NWD1: variants seen among roughly 807,000 people sequenced by gnomAD.
The protein encoded by NWD1 is NACHT and WD repeat domain containing 1, also known as NACHT domain- and WD repeat-containing protein 1.
In NWD1, 129 loss-of-function variants were observed where a neutral mutation model predicts 135.1. The observed-to-expected ratio is 0.96, with a 90% CI of 0.83 to 1.11. The LOEUF (loss-of-function observed/expected upper bound fraction) is 1.11, where lower values mean the gene tolerates loss of function less well. Ranked by LOEUF, NWD1 falls within the 50% of genes least tolerant of loss-of-function variation. The pLI is 0.00. For synonymous variants in NWD1, 773 were observed against 786.0 expected (o/e 0.98, Z 0.28); for missense variants, 1,740 against 1,851.3 (o/e 0.94, Z 1.10).
intron 4 of NWD1, among the ~76,000 whole-genome samples, chr19:16,742,437 C>T (rs893171698): frequency 5.3e-5 from 8 of 151,696 alleles, no homozygotes; most frequent in African/African-American, 1.7e-4. Context: ...CAGAATGTGG[C>T]GCTTTCATAC....
In NWD1 at chr19:16,760,969, C is replaced by T. The variant is rs144278148; in HGVS notation, c.1974-1010C>T. The stretch of plus-strand genomic sequence containing the variant: ...CCCTCACCTCTGTCTAGTTCCAGAA[C>T]GTTTTCATCTCCCCAAAAGGAGACC... On this transcript the variant is annotated intron_variant, in intron 7 of 18. Coordinates refer to ENST00000524140, the MANE Select transcript of NWD1 (RefSeq NM_001007525.5). Among the ~76,000 whole-genome samples, 6 of 152,230 alleles carry T rather than the reference C, an allele frequency of 3.9e-5. No individual in the cohort carries two copies. In the East Asian group the frequency reaches 9.7e-4, roughly 24 times the overall value.
At chr19:16,723,859 C>T (rs1967229080) in intron 1 of NWD1, among the ~76,000 whole-genome samples, 1 of 152,062 alleles carries the variant, frequency 6.6e-6, no homozygotes, top group Non-Finnish European at 1.5e-5. Flanking sequence ...TCATGCCCGG[C>T]TAATTTTTGT....
At chr19:16,746,691 AAC>A (rs1491339459) in intron 5 of NWD1, among the ~76,000 whole-genome samples, 66 of 107,384 alleles carry the variant, frequency 6.1e-4, no homozygotes, top group African/African-American at 2.8e-3. Context: ...AACAAAAAAC[AAC>A]AAAAAAAAAC....
At chr19:16,739,355 A>AAAG (rs1491391537) in intron 4 of NWD1, among the ~76,000 whole-genome samples, 1 of 130,488 alleles carries the variant, frequency 7.7e-6, no homozygotes, top group African/African-American at 2.9e-5. Flanking sequence ...AAAAAAAAAA[A>AAAG]TTATTTTTTT....
At chr19:16,720,976 G>A (rs1200579766) in intron 1 of NWD1, among the ~76,000 whole-genome samples, 6 of 152,026 alleles carry the variant, frequency 3.9e-5, no homozygotes, top group Non-Finnish European at 7.4e-5. Flanking sequence ...TCAGGCTTCC[G>A]AGTAGCTGGG....
Position 16,749,846 on chromosome 19 carries a change from C to A in NWD1, c.1204C>A (p.Pro402Thr), listed in dbSNP as rs778421704. Residue 402 changes from proline (P) to threonine (T), a missense_variant, in exon 6 of 19, where the codon CCC (proline) becomes ACC (threonine). Pro to Thr is a conservative substitution (Grantham distance 38). Transcript: ENST00000524140. Reference protein sequence around the residue: ...QVCLAYGLPLPPAQVLDAHTR... With the variant: ...QVCLAYGLPLTPAQVLDAHTR... ...GTGCCTGGCCTATGGGCTGCCCTTG[C>A]CCCCTGCCCAGGTTCTGGACGCCCA... The A allele has an allele frequency of 3.1e-6, 5 of 1,611,772 alleles. No homozygotes were observed. Among genetic ancestry groups the A allele is most frequent in the Admixed American group, 3.3e-5 (2 of 59,878 alleles).
At position 16,759,329 on chromosome 19, in the gene NWD1, G is replaced by A. The variant is rs764495804; in HGVS notation, c.1874G>A (p.Arg625His). The A allele has an allele frequency of 1.1e-5, 17 of 1,613,846 alleles. No individual in the cohort carries two copies. The highest frequency in any genetic ancestry group is 1.4e-5 in the Non-Finnish European group (17 of 1,179,952). The change falls in exon 7 of 19, where the codon CGC becomes CAC. Residue 625 changes from arginine to histidine, a missense_variant. By Grantham distance (29) the Arg-to-His change is conservative. Transcript: ENST00000524140. ...DWTPPSKELL[R>H]FPPLLWVRLR... Reference sequence around the variant, plus strand: ...ACCCCGCCCAGCAAGGAGCTGCTGCGCTTCCCGCCCCTGCTGTGGGTGCGG... The same window carrying A: ...ACCCCGCCCAGCAAGGAGCTGCTGCACTTCCCGCCCCTGCTGTGGGTGCGG...
rs1178206908 is a variant in NWD1 at position 16,749,458 on chromosome 19, G to A, written c.816G>A (p.Arg272=). 6 of 1,612,896 alleles carry A rather than the reference G, an allele frequency of 3.7e-6. No individual in the cohort carries two copies. The highest frequency in any genetic ancestry group is 3.3e-5 in the Admixed American group (2 of 59,964). Residue 272 remains arginine, a synonymous_variant, in exon 6 of 19, where the codon AGG becomes AGA. Transcript: ENST00000524140. ...LKELGEQFVV[R]ANHQVLTRLR... ...AGCTGGGTGAGCAGTTTGTGGTGAG[G>A]GCCAATCACCAGGTCCTCACACGCC...
At position 16,736,825 on chromosome 19, in the gene NWD1, A is replaced by G. The variant is rs1246113968; in HGVS notation, c.198+75A>G. ...CCCCTGCTTTCTAGACAAACTGATC[A>G]GCAGAGGGAAGTAGGTACCGTTTCT... is the stretch of plus-strand genomic sequence containing the variant. On this transcript the variant is annotated intron_variant, in intron 4 of 18. Transcript: ENST00000524140. 3 of 874,760 alleles carry G rather than the reference A, an allele frequency of 3.4e-6. No individual in the cohort carries two copies. The Admixed American group carries it at 6.0e-5, about 17-fold the overall frequency. 54.2% of individuals were successfully genotyped at this position (874,760 alleles called of 1,614,324 possible).
At chr19:16,760,276 T>C (rs1021709834) in intron 7 of NWD1, among the ~76,000 whole-genome samples, 2 of 148,868 alleles carry the variant, frequency 1.3e-5, no homozygotes, top group Non-Finnish European at 3.0e-5. Flanking sequence ...TTTTATTTTA[T>C]GTATTTTGAG....
intron 13 of NWD1, among the ~76,000 whole-genome samples, chr19:16,789,500 A>G (rs1420307428): frequency 3.3e-5 from 5 of 152,014 alleles, no homozygotes; most frequent in South Asian, 4.1e-4. Flanking sequence ...GTGTGTTTTC[A>G]TTTACATTCA....
intron 2 of NWD1, among the ~76,000 whole-genome samples, chr19:16,728,958 A>T (rs1315506101): frequency 5.6e-5 from 8 of 142,248 alleles, no homozygotes; most frequent in African/African-American, 1.9e-4. Flanking sequence ...AAAAAAAAAA[A>T]AAAAAATAAG....
At chr19:16,736,799 C>A (rs1033414477) in intron 4 of NWD1, 49 bp downstream of exon 4, 1 of 1,092,246 alleles carries the variant, frequency 9.2e-7, no homozygotes, top group Non-Finnish European at 1.3e-6. Context: ...CCAGGATATG[C>A]CCCCTGCTTT....
chr19:16,744,984 C>T (rs370163821), intron 5 of NWD1: 11 of 629,666 alleles, frequency 1.7e-5, no homozygotes, highest in Admixed American at 4.3e-5. Context: ...GCACAGGGGC[C>T]GTATTAGTCT....
At chr19:16,762,976 G>T (rs559120178) in intron 8 of NWD1, among the ~76,000 whole-genome samples, 2 of 152,124 alleles carry the variant, frequency 1.3e-5, no homozygotes, top group East Asian at 1.9e-4. Context: ...TAGAGACGGG[G>T]TTTTGCCATG....
At chr19:16,762,901 A>G (rs1481286862) in intron 8 of NWD1, among the ~76,000 whole-genome samples, 2 of 151,692 alleles carry the variant, frequency 1.3e-5, no homozygotes, top group African/African-American at 4.8e-5. Flanking sequence ...TCTCCCACTC[A>G]GCCTCCCTAG....
chr19:16,775,018 A>G (rs1016807747), intron 11 of NWD1, among the ~76,000 whole-genome samples: 3 of 152,000 alleles, frequency 2.0e-5, no homozygotes, highest in African/African-American at 7.2e-5. Context: ...TCACCCATCT[A>G]TTTATCTGCC....
intron 3 of NWD1, among the ~76,000 whole-genome samples, chr19:16,734,464 G>A (rs1568336226): frequency 6.6e-6 from 1 of 151,472 alleles, no homozygotes; most frequent in Non-Finnish European, 1.5e-5. Flanking sequence ...GAACCCGGGA[G>A]GCGGAGCTTG....
chr19:16,748,617 A>G (rs1217939579), intron 5 of NWD1, among the ~76,000 whole-genome samples: 5 of 152,038 alleles, frequency 3.3e-5, no homozygotes, highest in Admixed American at 3.3e-4. Flanking sequence ...TGAGCTCAGT[A>G]GTTGGAGACC....
Sources: allele counts gnomAD v4.1 joint callset (sites outside exome capture counted in the v4.1 genomes callset), GRCh38; gene constraint gnomAD v4.1.1; transcripts MANE v1.5; gene names NCBI Gene and HGNC (gene_info 2026-07-23, HGNC 2026-07-21).